Variants in GRIN2A observed in about 807,000 individuals in gnomAD.
GRIN2A encodes glutamate receptor ionotropic, NMDA 2A.
A neutral mutation model predicts 113.4 loss-of-function variants in GRIN2A; 22 were observed. The observed-to-expected ratio is 0.19, with a 90% CI of 0.14 to 0.28. The LOEUF is 0.28. Among genes scored for constraint, GRIN2A ranks in the 10% least tolerant of loss-of-function variants. The pLI is 1.00. For missense variants in GRIN2A, 1,502 were observed against 1,887.0 expected (o/e 0.80, Z 3.78); for synonymous variants, 827 against 738.4 (o/e 1.12, Z -1.94).
At chr16:9,967,445 C>T (rs2045578237) in intron 2 of GRIN2A, among the ~76,000 whole-genome samples, 1 of 152,214 alleles carries the variant, frequency 6.6e-6, no homozygotes, top group Admixed American at 6.5e-5. Flanking sequence ...GTGACTCACG[C>T]CTGTAATCCC....
intron 2 of GRIN2A, among the ~76,000 whole-genome samples, chr16:9,958,454 C>T (rs577038869): frequency 2.6e-4 from 39 of 152,174 alleles, no homozygotes; most frequent in Middle Eastern, 3.4e-3. Flanking sequence ...AGGTTCAACC[C>T]CACTTCCATA....
At chr16:10,123,781 G>A (rs551241163) in intron 2 of GRIN2A, among the ~76,000 whole-genome samples, 12 of 152,146 alleles carry the variant, frequency 7.9e-5, no homozygotes, top group Non-Finnish European at 1.3e-4. Flanking sequence ...TTCAAACTCT[G>A]TAATCAGACT....
rs112086222 is a variant in GRIN2A, at chr16:10,041,168, A to C, written c.415-102617T>G. Among the ~76,000 whole-genome samples the C allele has an allele frequency of 5.8e-3, 891 of 152,328 alleles. 3 individuals carry two copies. The highest frequency in any genetic ancestry group is 9.5e-3 in the Non-Finnish European group (644 of 68,032). ...AAGTGAAGGGAATGTGTAAGACTTC[A>C]CTTCTTCCATGAGACCTTCCCATTT... On this transcript the variant is annotated intron_variant, in intron 2 of 12. Transcript: ENST00000330684.
intron 12 of GRIN2A, among the ~76,000 whole-genome samples, chr16:9,767,498 C>T (rs1014573420): frequency 1.1e-4 from 17 of 151,566 alleles, no homozygotes; most frequent in African/African-American, 4.1e-4. Context: ...TGGTTTGCTG[C>T]AATTAGATGT....
At chr16:9,779,680 G>C (rs1180135242) in intron 11 of GRIN2A, among the ~76,000 whole-genome samples, 1 of 152,168 alleles carries the variant, frequency 6.6e-6, no homozygotes, top group African/African-American at 2.4e-5. Context: ...TTTCCATAGA[G>C]GGTAATAGGG....
chr16:9,869,128 C>A (rs1040465089), intron 4 of GRIN2A, among the ~76,000 whole-genome samples: 8 of 152,098 alleles, frequency 5.3e-5, no homozygotes, highest in Admixed American at 2.0e-4. Flanking sequence ...AATAGATGCA[C>A]AAATACCTAT....
chr16:9,770,447 G>A (rs1193532070), intron 11 of GRIN2A, among the ~76,000 whole-genome samples: 1 of 152,114 alleles, frequency 6.6e-6, no homozygotes, highest in Non-Finnish European at 1.5e-5. Context: ...TGAATGATAT[G>A]GCTGAATATA....
intron 9 of GRIN2A, among the ~76,000 whole-genome samples, chr16:9,822,700 T>A (rs2042312665): frequency 6.6e-6 from 1 of 152,108 alleles, no homozygotes; most frequent in South Asian, 2.1e-4. Context: ...GGCTGGGTGC[T>A]CCATAGGTAT....
chr16:10,030,184 T>C (rs2046902664), intron 2 of GRIN2A, among the ~76,000 whole-genome samples: 6 of 59,878 alleles, frequency 1.0e-4, no homozygotes, highest in Admixed American at 6.5e-4. Flanking sequence ...CTTGGGTGAT[T>C]TTTTAAAAAA....
At chr16:9,878,658 A>G (rs1328801409) in intron 4 of GRIN2A, among the ~76,000 whole-genome samples, 1 of 152,092 alleles carries the variant, frequency 6.6e-6, no homozygotes, top group East Asian at 1.9e-4. Context: ...ATCCCTATCA[A>G]CGTATGTTCC....
At chr16:9,808,081 C>G (rs1380013751) in intron 10 of GRIN2A, among the ~76,000 whole-genome samples, 8 of 152,190 alleles carry the variant, frequency 5.3e-5, no homozygotes, top group Admixed American at 3.9e-4. Flanking sequence ...CAGACCTAAC[C>G]ATTCTGCTGC....
chr16:9,767,963 TTAG>T (rs1471109484), intron 12 of GRIN2A, among the ~76,000 whole-genome samples: 1 of 152,260 alleles, frequency 6.6e-6, no homozygotes, highest in Non-Finnish European at 1.5e-5. Context: ...CATAGCAGCA[TTAG>T]TAGTGTTATA....
At chr16:9,892,352 G>A (rs527830764) in intron 3 of GRIN2A, among the ~76,000 whole-genome samples, 95 of 152,160 alleles carry the variant, frequency 6.2e-4, no homozygotes, top group Non-Finnish European at 1.2e-3. Context: ...GAACCAGAGC[G>A]GGTACAGAGG....
chr16:9,960,827 T>A (rs2045424265), intron 2 of GRIN2A, among the ~76,000 whole-genome samples: 1 of 152,156 alleles, frequency 6.6e-6, no homozygotes. Context: ...GTTTTGCCAA[T>A]GTCGTCCAGG....
rs574381768 is a variant in GRIN2A at position 9,833,410 on chromosome 16, A to G, written c.1777+695T>C. ...GTAAATTGATTCAGTAGTTTGAGGA[A>G]TGTTCTTAAACTAGATTTTATAAAG... On this transcript the variant is annotated intron_variant, in intron 8 of 12. Coordinates refer to ENST00000330684, the MANE Select transcript of GRIN2A (RefSeq NM_001134407.3). 8.5e-5 allele frequency among the ~76,000 whole-genome samples: 13 copies of G among 152,356 alleles called. No homozygotes were observed. In the South Asian group the frequency reaches 2.7e-3, roughly 32 times the overall value.
intron 5 of GRIN2A, 98 bp downstream of exon 5, chr16:9,849,658 G>C: frequency 1.1e-6 from 1 of 914,482 alleles, no homozygotes; most frequent in Non-Finnish European, 1.8e-6. Context: ...TATTTTCTAT[G>C]ACATTTTGTG....
At chr16:10,081,402 G>A (rs966718264) in intron 2 of GRIN2A, among the ~76,000 whole-genome samples, 1 of 152,150 alleles carries the variant, frequency 6.6e-6, no homozygotes, top group Non-Finnish European at 1.5e-5. Context: ...TCCAAGTGAA[G>A]GCAGCTTAAT....
intron 4 of GRIN2A, among the ~76,000 whole-genome samples, chr16:9,859,192 A>AAC (rs138447535): frequency 1.1e-4 from 17 of 151,670 alleles, no homozygotes; most frequent in Non-Finnish European, 2.1e-4. Flanking sequence ...TCGTCACACT[A>AAC]ACACACACAC....
chr16:10,153,931 C>T (rs2049635901), intron 2 of GRIN2A, among the ~76,000 whole-genome samples: 1 of 152,192 alleles, frequency 6.6e-6, no homozygotes, highest in South Asian at 2.1e-4. Flanking sequence ...TTCCTCCACC[C>T]TCCTCCCACG....
Sources: gnomAD v4.1 joint callset for allele counts (sites outside exome capture counted in the v4.1 genomes callset) on GRCh38, gnomAD v4.1.1 for gene constraint, MANE v1.5 for transcripts, NCBI Gene and HGNC (gene_info 2026-07-23, HGNC 2026-07-21) for gene names.